The following NRG1 variants were observed in gnomAD, a reference collection of about 807,000 sequenced individuals.
NRG1 encodes the protein neuregulin 1.
A neutral mutation model predicts 63.8 loss-of-function variants in NRG1; 18 were observed. That is an observed-to-expected ratio of 0.28 (90% confidence interval 0.19 to 0.42). The LOEUF is 0.42. Ranked by LOEUF, NRG1 falls within the 10% of genes least tolerant of loss-of-function variation. The probability of loss-of-function intolerance (pLI) is 1.00; values close to 1 mark genes in which losing one functional copy is unlikely to be tolerated. For synonymous variants in NRG1, 302 were observed against 301.3 expected (o/e 1.00, Z -0.02); for missense variants, 762 against 814.7 (o/e 0.94, Z 0.79).
At chr8:32,670,349 C>A (rs1805312513) in intron 5 of NRG1, among the ~76,000 whole-genome samples, 2 of 152,194 alleles carry the variant, frequency 1.3e-5, no homozygotes, top group African/African-American at 4.8e-5. Flanking sequence ...TTTGCTTCCA[C>A]ATGGAATCCA....
At chr8:31,655,447 G>A (rs1168989045) in intron 1 of NRG1, among the ~76,000 whole-genome samples, 1 of 152,168 alleles carries the variant, frequency 6.6e-6, no homozygotes, top group East Asian at 1.9e-4. Flanking sequence ...AGGGTAGGGA[G>A]GAGGGGAAAG....
At chr8:32,155,585 A>G (rs1837970036) in intron 1 of NRG1, among the ~76,000 whole-genome samples, 1 of 152,230 alleles carries the variant, frequency 6.6e-6, no homozygotes, top group Non-Finnish European at 1.5e-5. Context: ...CCATATCATT[A>G]GGCAATGTCT....
At chr8:32,639,374 C>G (rs1851900755) in intron 5 of NRG1, among the ~76,000 whole-genome samples, 1 of 151,974 alleles carries the variant, frequency 6.6e-6, no homozygotes, top group African/African-American at 2.4e-5. Context: ...CCACTGCACT[C>G]CAGCCTAAGC....
intron 1 of NRG1, chr8:32,440,909 T>C (rs1314570801): frequency 6.6e-6 from 1 of 152,192 alleles, no homozygotes; most frequent in Non-Finnish European, 1.5e-5. Flanking sequence ...TGGTTTTAAA[T>C]TGAAGGTTTT....
chr8:32,294,234 A>G (rs1854575025), intron 1 of NRG1, among the ~76,000 whole-genome samples: 1 of 152,078 alleles, frequency 6.6e-6, no homozygotes, highest in Admixed American at 6.5e-5. Flanking sequence ...GGTGTCCGAA[A>G]CAATGGGTTT....
intron 1 of NRG1, among the ~76,000 whole-genome samples, chr8:32,343,358 T>C (rs2129478459): frequency 6.6e-6 from 1 of 152,338 alleles, no homozygotes; most frequent in South Asian, 2.1e-4. Flanking sequence ...TGTGCGAACC[T>C]TGGAGTCAGG....
At chr8:32,109,216 A>G (rs1380682040) in intron 1 of NRG1, among the ~76,000 whole-genome samples, 1 of 152,148 alleles carries the variant, frequency 6.6e-6, no homozygotes, top group Non-Finnish European at 1.5e-5. Flanking sequence ...TGGAACCCCA[A>G]ACATCTTCCC....
At chr8:31,885,601 A>G (rs1830658177) in intron 1 of NRG1, among the ~76,000 whole-genome samples, 1 of 152,124 alleles carries the variant, frequency 6.6e-6, no homozygotes, top group South Asian at 2.1e-4. Context: ...CTCATCACAT[A>G]TATTGGTAAG....
intron 1 of NRG1, among the ~76,000 whole-genome samples, chr8:31,795,763 G>A (rs890871942): frequency 2.6e-5 from 4 of 152,034 alleles, no homozygotes; most frequent in Admixed American, 6.5e-5. Context: ...GCCTCCTAGT[G>A]GTTAAGGTGC....
chr8:32,030,599 C>A (rs1264452578), intron 1 of NRG1: 1 of 152,010 alleles, frequency 6.6e-6, no homozygotes, highest in Non-Finnish European at 1.5e-5. Flanking sequence ...TACTCCATAG[C>A]TACAGAGGGG....
At chr8:32,238,645 C>G (rs547579405) in intron 1 of NRG1, among the ~76,000 whole-genome samples, 46 of 152,194 alleles carry the variant, frequency 3.0e-4, no homozygotes, top group African/African-American at 1.1e-3. Context: ...GCTTCTGGGT[C>G]TAAACCCACT....
chr8:31,810,904 C>T (rs1477253385), intron 1 of NRG1, among the ~76,000 whole-genome samples: 1 of 152,162 alleles, frequency 6.6e-6, no homozygotes, highest in Non-Finnish European at 1.5e-5. Context: ...CAAAGGGCTT[C>T]ATGAAGGTTT....
chr8:31,800,495 C>T (rs1394650268), intron 1 of NRG1, among the ~76,000 whole-genome samples: 1 of 152,138 alleles, frequency 6.6e-6, no homozygotes, highest in Non-Finnish European at 1.5e-5. Context: ...GTAAAGTTGA[C>T]AGGATTCTAT....
intron 1 of NRG1, among the ~76,000 whole-genome samples, chr8:31,779,856 G>T (rs1819508944): frequency 6.6e-6 from 1 of 152,206 alleles, no homozygotes; most frequent in Non-Finnish European, 1.5e-5. Flanking sequence ...ACATGCTTAA[G>T]GTTATACCAA....
chr8:31,726,941 C>T (rs1445673492), intron 1 of NRG1, among the ~76,000 whole-genome samples: 4 of 152,122 alleles, frequency 2.6e-5, no homozygotes, highest in East Asian at 1.9e-4. Context: ...AATCATTGGA[C>T]GAATTTCAGT....
At chr8:31,853,281 T>G (rs1827459612) in intron 1 of NRG1, among the ~76,000 whole-genome samples, 1 of 151,768 alleles carries the variant, frequency 6.6e-6, no homozygotes. Context: ...TCCTCTTTTA[T>G]TTCCTTGAGC....
chr8:32,746,645 G>A (rs924421030), intron 7 of NRG1, among the ~76,000 whole-genome samples: 2 of 151,916 alleles, frequency 1.3e-5, no homozygotes, highest in Admixed American at 6.6e-5. Flanking sequence ...TTTTTATATT[G>A]CTCAGAGCAC....
intron 1 of NRG1, among the ~76,000 whole-genome samples, chr8:32,343,169 C>G (rs1563336429): frequency 6.6e-6 from 1 of 152,114 alleles, no homozygotes; most frequent in African/African-American, 2.4e-5. Context: ...GTTTGGGCTG[C>G]CTCTAAATAT....
At position 31,854,907 on chromosome 8, in the gene NRG1, T is replaced by G. The variant is rs940983268; in HGVS notation, c.37+215476T>G. Reference sequence around the variant, plus strand: ...TCAGGAGCAGGTTGTTCAGTTTCCATGTAGCTGAGCGGTTTTGAGTGAGAT... The same window carrying G: ...TCAGGAGCAGGTTGTTCAGTTTCCAGGTAGCTGAGCGGTTTTGAGTGAGAT... On this transcript the variant is annotated intron_variant, in intron 1 of 10. Coordinates refer to the NRG1 transcript ENST00000519301. 5.3e-5 allele frequency among the ~76,000 whole-genome samples: 8 copies of G among 152,360 alleles called. No homozygotes were observed. In the South Asian group the frequency reaches 1.4e-3, roughly 28 times the overall value.
Sources: allele counts gnomAD v4.1 joint callset (sites outside exome capture counted in the v4.1 genomes callset), GRCh38; gene constraint gnomAD v4.1.1; transcripts MANE v1.5; gene names NCBI Gene and HGNC (gene_info 2026-07-23, HGNC 2026-07-21).